The following SGCE variants were observed in gnomAD, a reference collection of about 807,000 sequenced individuals.
SGCE encodes the protein epsilon-sarcoglycan.
SGCE carries 26 observed loss-of-function variants against 57.8 expected under a neutral mutation model. The ratio of observed to expected loss-of-function variants is 0.45; its 90% CI spans 0.33 to 0.62. The LOEUF (loss-of-function observed/expected upper bound fraction) is 0.62. Among genes scored for constraint, SGCE ranks in the 20% least tolerant of loss-of-function variants. SGCE has a pLI of 0.02. For synonymous variants in SGCE, 183 were observed against 189.5 expected (o/e 0.97, Z 0.28); for missense variants, 468 against 548.6 (o/e 0.85, Z 1.47).
chr7:94,597,498 A>G (rs1798567232), intron 9 of SGCE: 1 of 152,172 alleles, frequency 6.6e-6, no homozygotes, highest in African/African-American at 2.4e-5. Context: ...GTTCCCAGGT[A>G]AATGTGTTCA....
rs1797301800 is a variant in SGCE at position 94,589,148 on chromosome 7, C to T, written c.1254-416G>A. 4 of 207,304 alleles carry T rather than the reference C, an allele frequency of 1.9e-5. No individual in the cohort carries two copies. The South Asian group carries it at 3.6e-4, about 18-fold the overall frequency. The allele number at this position is 207,304 out of a possible 1,614,324, so 12.8% of individuals were successfully genotyped here. A position where few individuals can be genotyped will look rare whatever the true frequency, so the allele number is the denominator to read the frequency against. The stretch of plus-strand genomic sequence containing the variant: ...CAGATCACACATTTTCATGGAACAA[C>T]ATATATAACCACCTTCATTCACTAT... On this transcript the variant is annotated intron_variant, in intron 9 of 10. Coordinates refer to ENST00000648936, the MANE Select transcript of SGCE (RefSeq NM_003919.3).
chr7:94,588,705 G>A lies in SGCE; in HGVS notation c.1281C>T (p.Pro427=), dbSNP rs148126317. The part of the protein sequence containing the change: ...QQNLPHQTQI[P]QQQTTGKWYP ...AGCACTCACCTGTAGTCTGCTGTTG[G>A]GGAATCTGAGTCTGATGTGGCAAGT... Residue 427 remains proline, a synonymous_variant, in exon 10 of 11, where the codon CCC becomes CCT. Coordinates refer to ENST00000648936, the MANE Select transcript of SGCE (RefSeq NM_003919.3). 6.2e-7 allele frequency: 1 copy of A among 1,607,816 alleles called. No individual in the cohort carries two copies. Among genetic ancestry groups the A allele is most frequent in the East Asian group, 2.2e-5 (1 of 44,788 alleles).
At chr7:94,588,846 T>G (rs944732133) in intron 9 of SGCE, 114 bp from the exon 10 acceptor site, 3 of 1,111,200 alleles carry the variant, frequency 2.7e-6, no homozygotes, top group Non-Finnish European at 4.1e-6. Flanking sequence ...AGTCATGTAA[T>G]CCAGCACAAT....
rs556458255 is a variant in SGCE at position 94,600,803 on chromosome 7, T to A, written c.880A>T (p.Ile294Phe). Residue 294 changes from isoleucine to phenylalanine, a missense_variant, in exon 7 of 11, where the codon ATT becomes TTT. Ile to Phe is a conservative substitution (Grantham distance 21). Transcript: ENST00000648936. ...TTGTATTCTCCACCATCAGGTAAAATCCCCTCTCCACGAATCACTTCCTGA... is the reference window on the plus strand; with the variant it reads ...TTGTATTCTCCACCATCAGGTAAAAACCCCTCTCCACGAATCACTTCCTGA... ...TYQEVIRGEG[I>F]LPDGGEYKPP... The A allele has an allele frequency of 8.7e-6, 14 of 1,613,186 alleles. No individual in the cohort carries two copies. Among genetic ancestry groups the A allele is most frequent in the Middle Eastern group, 1.7e-4 (1 of 5,820 alleles).
chr7:94,597,408 ATTAT>A (rs1331154338), intron 9 of SGCE: 10 of 152,286 alleles, frequency 6.6e-5, no homozygotes, highest in Non-Finnish European at 1.3e-4. Flanking sequence ...TATATTAATT[ATTAT>A]TTAATCTTCA....
chr7:94,624,545 G>C, intron 3 of SGCE: 1 of 248,228 alleles, frequency 4.0e-6, no homozygotes, highest in Non-Finnish European at 7.6e-6. Flanking sequence ...TTATCTGTTG[G>C]GACACATGAT....
chr7:94,618,784 T>C lies in SGCE; in HGVS notation c.636A>G (p.Pro212=), dbSNP rs750280111. 1.1e-5 allele frequency: 17 copies of C among 1,613,898 alleles called. No individual in the cohort carries two copies. The East Asian group carries it at 3.6e-4, about 34-fold the overall frequency. ...TSALDRGGRV[P]LPINDLKEGV... ...CCTCCTTCAGGTCATTAATGGGAAG[T>C]GGCACCCTGCCACCCCTGTCTAGGG... The change falls in exon 5 of 11, where the codon CCA becomes CCG. Residue 212 remains proline, a synonymous_variant. Transcript: ENST00000648936.
In SGCE at chr7:94,616,313, CAT is replaced by C. The variant is rs201765494; in HGVS notation, c.662+2443_662+2444del. On this transcript the variant is annotated intron_variant, in intron 5 of 10. Transcript: ENST00000648936. Reference sequence around the variant, plus strand: ...TTTTGCACTTATTACTTGTGGCTGACATGTGTAATAAATAGGAAATAATTTCA... The same window carrying C: ...TTTTGCACTTATTACTTGTGGCTGACGTGTAATAAATAGGAAATAATTTCA... 9.4e-3 allele frequency among the ~76,000 whole-genome samples: 1,434 copies of C among 152,200 alleles called. 19 individuals are homozygous for C. Among genetic ancestry groups the C allele is most frequent in the African/African-American group, 0.032 (1,310 of 41,524 alleles).
intron 1 of SGCE, chr7:94,639,382 T>C: frequency 6.5e-7 from 1 of 1,535,662 alleles, no homozygotes; most frequent in Non-Finnish European, 8.7e-7. Flanking sequence ...GATAATAAAA[T>C]TGTTGGCCTG....
chr7:94,617,324 C>T (rs1277660492), intron 5 of SGCE: 1 of 152,200 alleles, frequency 6.6e-6, no homozygotes, highest in African/African-American at 2.4e-5. Context: ...GTGGGACCTG[C>T]ACTACTAACG....
intron 1 of SGCE, among the ~76,000 whole-genome samples, chr7:94,634,228 A>C (rs1423104606): frequency 3.3e-5 from 5 of 152,174 alleles, no homozygotes; most frequent in Non-Finnish European, 5.9e-5. Flanking sequence ...ATAAAATCTC[A>C]GTTTACCAGA....
chr7:94,637,074 AG>A (rs1325164124), intron 1 of SGCE, among the ~76,000 whole-genome samples: 2 of 151,698 alleles, frequency 1.3e-5, no homozygotes, highest in African/African-American at 2.4e-5. Flanking sequence ...AAAAAAAAAA[AG>A]CTACACAAAA....
rs114285534 is a variant in SGCE at position 94,599,980 on chromosome 7, A to G, written c.1038-257T>C. 1,312 of 356,582 alleles carry G rather than the reference A, an allele frequency of 3.7e-3. 22 individuals carry two copies. Among genetic ancestry groups the G allele is most frequent in the African/African-American group, 0.025 (1,205 of 47,624 alleles). 22.1% of individuals were successfully genotyped at this position (356,582 alleles called of 1,614,324 possible). On this transcript the variant is annotated intron_variant, in intron 7 of 10. Transcript: ENST00000648936. ...CAAGGCCTTGATTGAAATAAATTCT[A>G]TGACATAATGAAATCAAGCTACATG...
chr7:94,644,527 T>C, intron 1 of SGCE: 1 of 517,254 alleles, frequency 1.9e-6, no homozygotes. Flanking sequence ...AAATAATAAA[T>C]AATAACTTAT....
Position 94,628,413 on chromosome 7 carries a change from C to T in SGCE, c.233-54G>A, listed in dbSNP as rs888185330. 3.5e-6 allele frequency: 5 copies of T among 1,446,604 alleles called. No individual in the cohort carries two copies. In the Admixed American group the frequency reaches 8.6e-5, roughly 25 times the overall value. The allele number at this position is 1,446,604 out of a possible 1,614,324, so 89.6% of individuals were successfully genotyped here. On this transcript the variant is annotated intron_variant, in intron 2 of 10. Transcript: ENST00000648936. ...AAGACAGTTATTTTCACACATGTTG[C>T]TTTGGTAGTTTCAATCAAAACATTC...
intron 1 of SGCE, among the ~76,000 whole-genome samples, chr7:94,651,578 T>C (rs969638639): frequency 1.3e-5 from 2 of 152,232 alleles, no homozygotes; most frequent in African/African-American, 2.4e-5. Context: ...GATTAACTTA[T>C]CTTTCAAAAC....
At chr7:94,639,282 T>C in intron 1 of SGCE, 1 of 1,056,734 alleles carries the variant, frequency 9.5e-7, no homozygotes, top group Non-Finnish European at 1.4e-6. Flanking sequence ...AAGAGACTAT[T>C]GGAAGCAGAC....
At position 94,655,950 on chromosome 7, in the gene SGCE, G is replaced by A. The variant is rs763872594; in HGVS notation, c.109+40C>T. The A allele has an allele frequency of 2.5e-5, 34 of 1,341,794 alleles. No individual in the cohort carries two copies. The Admixed American group carries it at 2.6e-4, about 10-fold the overall frequency. 83.1% of individuals were successfully genotyped at this position (1,341,794 alleles called of 1,614,324 possible). A position where few individuals can be genotyped will look rare whatever the true frequency, so the allele number is the denominator to read the frequency against. ...GCGGGGGAGGGGGAGGCGGCGGCCT[G>A]TTGGCCCCGGGACCTCCACGTCGCG... On this transcript the variant is annotated intron_variant, in intron 1 of 10. Coordinates refer to ENST00000648936, the MANE Select transcript of SGCE (RefSeq NM_003919.3).
chr7:94,601,411 T>A (rs1169443528), intron 6 of SGCE, among the ~76,000 whole-genome samples: 1 of 125,262 alleles, frequency 8.0e-6, no homozygotes, highest in Admixed American at 9.4e-5. Flanking sequence ...ATATGGAACC[T>A]ATCCCAGTCT....
Sources: gnomAD v4.1 joint callset for allele counts (sites outside exome capture counted in the v4.1 genomes callset) on GRCh38, gnomAD v4.1.1 for gene constraint, MANE v1.5 for transcripts, NCBI Gene and HGNC (gene_info 2026-07-23, HGNC 2026-07-21) for gene names.